Variants in MYT1L observed in about 807,000 individuals in gnomAD.
MYT1L encodes myelin transcription factor 1 like.
In MYT1L, 12 loss-of-function variants were observed where a neutral mutation model predicts 126.7. The ratio of observed to expected loss-of-function variants is 0.09; its 90% CI spans 0.06 to 0.15. MYT1L has a LOEUF of 0.15. Among genes scored for constraint, MYT1L ranks in the 10% least tolerant of loss-of-function variants. The pLI is 1.00. For synonymous variants in MYT1L, 541 were observed against 604.2 expected (o/e 0.90, Z 1.53); for missense variants, 979 against 1,585.2 (o/e 0.62, Z 6.49).
chr2:1,884,233 A>C (rs918069956), intron 18 of MYT1L: 3 of 152,248 alleles, frequency 2.0e-5, no homozygotes, highest in African/African-American at 7.2e-5. Flanking sequence ...GTGTTTATGA[A>C]CGATTAGAGA....
At position 1,923,038 on chromosome 2, in the gene MYT1L, C is replaced by T; in HGVS notation, c.731G>A (p.Gly244Asp). 6.2e-7 allele frequency: 1 copy of T among 1,613,998 alleles called. No homozygotes were observed. The highest frequency in any genetic ancestry group is 8.5e-7 in the Non-Finnish European group (1 of 1,179,906). ...EDDSDKNENL[G>D]RKSELSLDLD... ...GTCTAAACTCAACTCACTTTTCCGACCCAGGTTTTCGTTTTTGTCACTATC... is the reference window on the plus strand; with the variant it reads ...GTCTAAACTCAACTCACTTTTCCGATCCAGGTTTTCGTTTTTGTCACTATC... The change falls in exon 10 of 25, where the codon GGT (glycine) becomes GAT (aspartate). Residue 244 changes from glycine to aspartate, a missense_variant. Gly to Asp is a moderately conservative substitution (Grantham distance 94). Around this residue, in one of 12 missense-constraint regions of MYT1L, gnomAD observed 243 missense variants for 363.9 expected, o/e 0.67. Transcript: ENST00000647738.
chr2:2,257,070 A>G (rs2094833431), intron 2 of MYT1L, among the ~76,000 whole-genome samples: 2 of 152,104 alleles, frequency 1.3e-5, no homozygotes, highest in Admixed American at 1.3e-4. Context: ...CCACCCCCAG[A>G]GTTTCCAATT....
intron 3 of MYT1L, among the ~76,000 whole-genome samples, chr2:2,117,405 T>G (rs1200861742): frequency 2.6e-5 from 4 of 152,166 alleles, no homozygotes; most frequent in Non-Finnish European, 5.9e-5. Context: ...TCAGGGATCC[T>G]GAGGGTCTCT....
chr2:2,084,352 G>C (rs370446040), intron 3 of MYT1L, among the ~76,000 whole-genome samples: 7 of 152,226 alleles, frequency 4.6e-5, no homozygotes, highest in African/African-American at 1.7e-4. Context: ...GCCTCTCTTC[G>C]GTGTAACCGG....
chr2:2,098,366 G>A (rs1252197117), intron 3 of MYT1L, among the ~76,000 whole-genome samples: 1 of 152,210 alleles, frequency 6.6e-6, no homozygotes, highest in Non-Finnish European at 1.5e-5. Context: ...TTAAACCCAA[G>A]TACCACCTGT....
At chr2:1,975,139 C>T (rs185250904) in intron 8 of MYT1L, among the ~76,000 whole-genome samples, 2 of 149,946 alleles carry the variant, frequency 1.3e-5, no homozygotes, top group Admixed American at 6.6e-5. Context: ...TTCTCAATTT[C>T]GTACAAGCCC....
chr2:1,877,480 C>A (rs1380514470), intron 18 of MYT1L, among the ~76,000 whole-genome samples: 1 of 152,150 alleles, frequency 6.6e-6, no homozygotes, highest in African/African-American at 2.4e-5. Context: ...AACTTCCTTG[C>A]TCGACTGATA....
intron 1 of MYT1L, among the ~76,000 whole-genome samples, chr2:2,295,442 T>A (rs1559582200): frequency 6.6e-6 from 1 of 152,054 alleles, no homozygotes; most frequent in Non-Finnish European, 1.5e-5. Context: ...AGGTTCACCC[T>A]GAGCATCAGT....
chr2:2,015,647 A>T (rs2064299195), intron 4 of MYT1L, among the ~76,000 whole-genome samples: 1 of 152,170 alleles, frequency 6.6e-6, no homozygotes, highest in African/African-American at 2.4e-5. Context: ...TGTTTTAGAG[A>T]TAGGGAAAAC....
intron 12 of MYT1L, among the ~76,000 whole-genome samples, chr2:1,911,634 C>G (rs891748622): frequency 2.0e-5 from 3 of 152,170 alleles, no homozygotes; most frequent in African/African-American, 4.8e-5. Context: ...CCATAGAATT[C>G]CAAGGGCAGC....
At position 2,192,122 on chromosome 2, in the gene MYT1L, G is replaced by A. The variant is rs144164971; in HGVS notation, c.-420-19134C>T. Among the ~76,000 whole-genome samples the A allele has an allele frequency of 1.7e-3, 254 of 152,328 alleles. 1 individual carries two copies. The highest frequency in any genetic ancestry group is 5.4e-3 in the African/African-American group (224 of 41,576). Reference sequence around the variant, plus strand: ...ATATTTGTCTTTAAATCTAGTTCTGGTGTGTACTTTGCCAGAACTTTCCCA... The same window carrying A: ...ATATTTGTCTTTAAATCTAGTTCTGATGTGTACTTTGCCAGAACTTTCCCA... On this transcript the variant is annotated intron_variant, in intron 2 of 24. Coordinates refer to ENST00000647738, the MANE Select transcript of MYT1L (RefSeq NM_001303052.2).
chr2:1,955,911 C>T (rs1025989191), intron 8 of MYT1L, among the ~76,000 whole-genome samples: 1 of 152,328 alleles, frequency 6.6e-6, no homozygotes, highest in East Asian at 1.9e-4. Flanking sequence ...TGCTGCCCCA[C>T]TCTAAAGTCA....
At chr2:1,911,135 A>C (rs1021026073) in intron 12 of MYT1L, among the ~76,000 whole-genome samples, 1 of 152,188 alleles carries the variant, frequency 6.6e-6, no homozygotes, top group African/African-American at 2.4e-5. Flanking sequence ...AGCACACAGC[A>C]CGCACCTCTC....
At chr2:1,792,503 G>A (rs777618852) in intron 23 of MYT1L, 39 bp from the exon 24 acceptor site, 5 of 1,589,108 alleles carry the variant, frequency 3.1e-6, no homozygotes, top group Non-Finnish European at 3.4e-6. Context: ...AACACCAGGA[G>A]GACCTAGGAG....
intron 2 of MYT1L, among the ~76,000 whole-genome samples, chr2:2,207,068 C>T (rs2093348116): frequency 6.6e-6 from 1 of 152,158 alleles, no homozygotes; most frequent in African/African-American, 2.4e-5. Flanking sequence ...CATAAGGTGT[C>T]TTTAAACAGA....
At chr2:2,288,613 A>C (rs1318364476) in intron 1 of MYT1L, among the ~76,000 whole-genome samples, 1 of 152,236 alleles carries the variant, frequency 6.6e-6, no homozygotes, top group African/African-American at 2.4e-5. Flanking sequence ...TTTAGGTTAG[A>C]TAGCTATATT....
intron 1 of MYT1L, chr2:2,326,175 C>A (rs1308116397): frequency 6.6e-6 from 1 of 152,468 alleles, no homozygotes; most frequent in East Asian, 1.9e-4. Context: ...TTCCATTCAC[C>A]CCTACCCTCT....
chr2:1,989,450 C>A (rs547117547), intron 5 of MYT1L, among the ~76,000 whole-genome samples: 10 of 152,296 alleles, frequency 6.6e-5, no homozygotes, highest in African/African-American at 2.4e-4. Flanking sequence ...TCTCATTCTG[C>A]AGCCCTCAGC....
chr2:2,190,555 TAAAAAAAAA>T (rs777939174), intron 2 of MYT1L, among the ~76,000 whole-genome samples: 1 of 108,452 alleles, frequency 9.2e-6, no homozygotes, highest in Non-Finnish European at 1.9e-5. Context: ...CAAGACCTGT[TAAAAAAAAA>T]AAAAAAAAAA....
Sources: allele counts gnomAD v4.1 joint callset (sites outside exome capture counted in the v4.1 genomes callset), GRCh38; gene constraint gnomAD v4.1.1; regional missense constraint gnomAD v4.1.1; transcripts MANE v1.5; gene names NCBI Gene and HGNC (gene_info 2026-07-23, HGNC 2026-07-21).